Variants in PSD3 observed in about 807,000 individuals in gnomAD.
The protein encoded by PSD3 is pleckstrin and Sec7 domain containing 3.
In PSD3, 49 loss-of-function variants were observed where a neutral mutation model predicts 105.5. The observed-to-expected ratio is 0.46, with a 90% confidence interval of 0.37 to 0.59. The LOEUF (loss-of-function observed/expected upper bound fraction) is 0.59. PSD3 is among the 20% of genes least tolerant of loss of function. PSD3 has a pLI of 0.00. For synonymous variants in PSD3, 557 were observed against 457.8 expected, an observed-to-expected ratio of 1.22 and a Z score of -2.77; for missense variants, 1,561 against 1,263.8, an observed-to-expected ratio of 1.24 and a Z score of -3.57.
intron 8 of PSD3, among the ~76,000 whole-genome samples, chr8:18,773,963 T>C (rs762092341): frequency 9.9e-5 from 15 of 152,224 alleles, no homozygotes; most frequent in Non-Finnish European, 2.9e-5. Flanking sequence ...TTAAATTTAT[T>C]CTCTAATATC....
chr8:18,979,656 C>G (rs1345683188), intron 1 of PSD3: 1 of 158,912 alleles, frequency 6.3e-6, no homozygotes, highest in Non-Finnish European at 1.4e-5. Flanking sequence ...AGGCCAGTGA[C>G]TGGCCAATGA....
intron 1 of PSD3, among the ~76,000 whole-genome samples, chr8:18,952,095 G>A (rs895822178): frequency 6.6e-6 from 1 of 152,142 alleles, no homozygotes; most frequent in Non-Finnish European, 1.5e-5. Context: ...AATAATGGGT[G>A]GATGCCAGTC....
intron 1 of PSD3, among the ~76,000 whole-genome samples, chr8:18,992,151 T>C (rs79868210): frequency 0.11 from 16,274 of 152,200 alleles, 1,097 homozygotes; most frequent in Non-Finnish European, 0.16. Flanking sequence ...CAGGCTTTAT[T>C]GTGAATTCAG....
intron 9 of PSD3, among the ~76,000 whole-genome samples, chr8:18,725,970 G>A (rs1803309823): frequency 6.6e-6 from 1 of 152,214 alleles, no homozygotes; most frequent in African/African-American, 2.4e-5. Context: ...CACTGAGAGT[G>A]CTGTTCTTGG....
chr8:18,926,000 C>T lies in PSD3; in HGVS notation c.130+10034G>A, dbSNP rs74974439. 5.3e-5 allele frequency among the ~76,000 whole-genome samples: 8 copies of T among 152,176 alleles called. No homozygotes were observed. The East Asian group carries it at 1.2e-3, about 22-fold the overall frequency. ...TGGCAGAGGAAGACGGAAAGCCTAC[C>T]GTTGTTTGTTCCTGCCACTGTCCAG... On this transcript the variant is annotated intron_variant, in intron 2 of 15. Transcript: ENST00000327040.
At position 18,535,447 on chromosome 8, in the gene PSD3, T is replaced by C; in HGVS notation, c.*296A>G. ...GAATACATAAAACAACTGAGCAGAC[T>C]GCAAACAAGAGAAAACCAAAAGAGA... On this transcript the variant is annotated 3_prime_UTR_variant, in exon 16 of 16. Coordinates refer to ENST00000327040, the MANE Select transcript of PSD3 (RefSeq NM_015310.4). 1 of 384,270 alleles carries C rather than the reference T, an allele frequency of 2.6e-6. No homozygotes were observed. Among genetic ancestry groups the C allele is most frequent in the Non-Finnish European group, 4.7e-6 (1 of 210,582 alleles). The allele number at this position is 384,270 out of a possible 1,614,324, so 23.8% of individuals were successfully genotyped here.
intron 1 of PSD3, among the ~76,000 whole-genome samples, chr8:19,019,241 T>A (rs940061212): frequency 4.0e-5 from 6 of 150,582 alleles, no homozygotes; most frequent in African/African-American, 1.2e-4. Flanking sequence ...AACTTAAAAC[T>A]CATCAACTCA....
At chr8:18,729,583 T>C (rs887772285) in intron 9 of PSD3, among the ~76,000 whole-genome samples, 4 of 152,190 alleles carry the variant, frequency 2.6e-5, no homozygotes, top group Non-Finnish European at 4.4e-5. Flanking sequence ...AAGGGTACAG[T>C]GCAGGTTCCT....
intron 12 of PSD3, among the ~76,000 whole-genome samples, chr8:18,599,237 C>G (rs1351490934): frequency 1.3e-5 from 2 of 152,082 alleles, no homozygotes. Flanking sequence ...GAATGGAACA[C>G]AGAGCTCAGA....
In PSD3 at chr8:18,842,229, C is replaced by T. The variant is rs150682288; in HGVS notation, c.1634+25445G>A. Among the ~76,000 whole-genome samples, 429 of 152,334 alleles carry T rather than the reference C, an allele frequency of 2.8e-3. 2 individuals are homozygous for T. Among genetic ancestry groups the T allele is most frequent in the Non-Finnish European group, 4.5e-3 (309 of 68,036 alleles). ...AGACCAAAGCCACAGCTACTCTATG[C>T]GACATCACTATGTGAATTCCCATAA... On this transcript the variant is annotated intron_variant, in intron 4 of 15. Transcript: ENST00000327040.
At chr8:18,890,442 C>CA (rs1342545108) in intron 2 of PSD3, among the ~76,000 whole-genome samples, 2 of 152,030 alleles carry the variant, frequency 1.3e-5, no homozygotes, top group African/African-American at 4.8e-5. Context: ...GAAATAAATC[C>CA]AAGTGAGCCG....
intron 4 of PSD3, among the ~76,000 whole-genome samples, chr8:18,866,002 C>T (rs1365490807): frequency 1.3e-5 from 2 of 152,198 alleles, no homozygotes; most frequent in African/African-American, 2.4e-5. Flanking sequence ...TGGTGTTCAT[C>T]TCTCGGCTTC....
At chr8:19,008,399 A>G (rs1044103600) in intron 1 of PSD3, among the ~76,000 whole-genome samples, 3 of 152,150 alleles carry the variant, frequency 2.0e-5, no homozygotes, top group Non-Finnish European at 2.9e-5. Flanking sequence ...ATTTCCAAGC[A>G]TTTTTCCAAT....
chr8:18,827,561 T>G (rs1327919629), intron 4 of PSD3, among the ~76,000 whole-genome samples: 1 of 152,162 alleles, frequency 6.6e-6, no homozygotes, highest in Non-Finnish European at 1.5e-5. Flanking sequence ...ATAGATAGAT[T>G]AAATGAATTG....
At chr8:18,562,932 A>C (rs909006448) in intron 14 of PSD3, among the ~76,000 whole-genome samples, 9 of 868 alleles carry the variant, frequency 0.01, no homozygotes, top group East Asian at 0.077. Context: ...AAAGAAAAAG[A>C]AAAAACAAAA....
At chr8:19,008,193 G>T (rs1188354520) in intron 1 of PSD3, among the ~76,000 whole-genome samples, 1 of 152,162 alleles carries the variant, frequency 6.6e-6, no homozygotes, top group East Asian at 1.9e-4. Context: ...GGGGAAGGTG[G>T]CTGACAGACC....
At chr8:18,546,933 C>A (rs926513522) in intron 15 of PSD3, among the ~76,000 whole-genome samples, 1 of 152,184 alleles carries the variant, frequency 6.6e-6, no homozygotes, top group East Asian at 1.9e-4. Context: ...TATTTGCTGG[C>A]TTGTACCTCC....
intron 10 of PSD3, among the ~76,000 whole-genome samples, chr8:18,650,323 C>T (rs1808380435): frequency 6.6e-6 from 1 of 152,194 alleles, no homozygotes; most frequent in East Asian, 1.9e-4. Flanking sequence ...CTTTGTTTAT[C>T]ACTTAGACTG....
chr8:18,726,651 G>A (rs1803353695), intron 9 of PSD3, among the ~76,000 whole-genome samples: 1 of 152,292 alleles, frequency 6.6e-6, no homozygotes, highest in African/African-American at 2.4e-5. Flanking sequence ...TGAACTCGAT[G>A]TCTGTTCTGT....
Sources: allele counts gnomAD v4.1 joint callset (sites outside exome capture counted in the v4.1 genomes callset), GRCh38; gene constraint gnomAD v4.1.1; transcripts MANE v1.5; gene names NCBI Gene and HGNC (gene_info 2026-07-23, HGNC 2026-07-21).